HERC2: variants seen among roughly 807,000 people sequenced by gnomAD.
HERC2 encodes the protein E3 ubiquitin-protein ligase HERC2.
HERC2 carries 102 observed loss-of-function variants against 537.7 expected under a neutral mutation model. The ratio of observed to expected loss-of-function variants is 0.19; its 90% CI spans 0.16 to 0.22. The LOEUF is 0.22. Among genes scored for constraint, HERC2 ranks in the 10% least tolerant of loss-of-function variants. HERC2 has a pLI of 1.00. For missense variants in HERC2, 4,236 were observed against 6,198.2 expected, an observed-to-expected ratio of 0.68 and a Z score of 10.63; for synonymous variants, 2,224 against 2,466.2, an observed-to-expected ratio of 0.90 and a Z score of 2.91.
Position 28,146,350 on chromosome 15 carries a change from G to T in HERC2, c.10901-6C>A. 1.2e-6 allele frequency: 2 copies of T among 1,605,964 alleles called. No individual in the cohort carries two copies. Among genetic ancestry groups the T allele is most frequent in the Non-Finnish European group, 8.5e-7 (1 of 1,172,730 alleles). ...TACCCTGAGTCCTTCTGCACCTGAA[G>T]GACAGGCAAGCACAAAACATAGCAA... On this transcript the variant is annotated splice_region_variant and splice_polypyrimidine_tract_variant and intron_variant, in intron 70 of 92. Transcript: ENST00000261609.
Position 28,192,167 on chromosome 15 carries a change from C to CA in HERC2, c.8261-17dup. ...GCAGACTGACCTATTTCGTGATAGT[C>CA]AAAAAGAGAATTAACCCTTGCTGAA... On this transcript the variant is annotated splice_polypyrimidine_tract_variant and intron_variant, in intron 52 of 92. Coordinates refer to ENST00000261609, the MANE Select transcript of HERC2 (RefSeq NM_004667.6). 3.7e-6 allele frequency: 6 copies of CA among 1,600,510 alleles called. No individual in the cohort carries two copies. The highest frequency in any genetic ancestry group is 5.1e-6 in the Non-Finnish European group (6 of 1,170,684).
intron 79 of HERC2, among the ~76,000 whole-genome samples, chr15:28,134,903 G>A (rs1381484030): frequency 1.3e-5 from 2 of 151,942 alleles, no homozygotes; most frequent in African/African-American, 4.8e-5. Flanking sequence ...GAACTCCTGA[G>A]TTCAAGCAAT....
intron 68 of HERC2, among the ~76,000 whole-genome samples, chr15:28,166,788 GGAGTCCCAGTGACC>G (rs1205883692): frequency 3.9e-5 from 6 of 152,256 alleles, no homozygotes; most frequent in African/African-American, 9.6e-5. Flanking sequence ...CCAGTCCACG[GGAGTCCCAGTGACC>G]GAGTCCCAGT....
At chr15:28,185,229 T>G (rs1305383225) in intron 56 of HERC2, among the ~76,000 whole-genome samples, 1 of 151,974 alleles carries the variant, frequency 6.6e-6, no homozygotes, top group Non-Finnish European at 1.5e-5. Context: ...CCCACTTCTG[T>G]CTATATAACG....
Position 28,263,016 on chromosome 15 carries a change from T to C in HERC2, c.2024A>G (p.Asp675Gly), listed in dbSNP as rs2075455895. ...GSQFSIALTK[D>G]GQVYSWGKGD... The stretch of plus-strand genomic sequence containing the variant: ...TTTTCCCCATGAATAAACTTGGCCA[T>C]CTTTCGTCAAAGCAATGGAAAACTG... The change falls in exon 15 of 93, where the codon GAT becomes GGT. Residue 675 changes from aspartate (D) to glycine (G), a missense_variant. This residue lies in a region of HERC2 where 754 missense variants were observed against 1,085.0 expected (regional missense o/e 0.69). Coordinates refer to ENST00000261609, the MANE Select transcript of HERC2 (RefSeq NM_004667.6). 1.2e-6 allele frequency: 2 copies of C among 1,614,158 alleles called. No individual in the cohort carries two copies. Among genetic ancestry groups the C allele is most frequent in the East Asian group, 2.2e-5 (1 of 44,874 alleles).
intron 3 of HERC2, among the ~76,000 whole-genome samples, chr15:28,299,012 C>A (rs1596429197): frequency 1.3e-5 from 2 of 152,066 alleles, no homozygotes; most frequent in Non-Finnish European, 2.9e-5. Flanking sequence ...TTTTTTTAAA[C>A]CTCAATGGGG....
chr15:28,161,122 C>A (rs1286623613), intron 69 of HERC2, among the ~76,000 whole-genome samples: 3 of 152,200 alleles, frequency 2.0e-5, no homozygotes, highest in Admixed American at 6.5e-5. Context: ...CTCTGCTGCG[C>A]TTTCAAGACT....
chr15:28,251,539 G>A lies in HERC2; in HGVS notation c.3050+2801C>T, dbSNP rs564326055. Among the ~76,000 whole-genome samples the A allele has an allele frequency of 2.0e-5, 3 of 148,942 alleles. No homozygotes were observed. In the East Asian group the frequency reaches 6.1e-4, roughly 30 times the overall value. Reference sequence around the variant, plus strand: ...ATAATGGCCAGGCGCGGTGGCTCACGCCTGCAATCCCAGCACTTTGGGAGG... The same window carrying A: ...ATAATGGCCAGGCGCGGTGGCTCACACCTGCAATCCCAGCACTTTGGGAGG... On this transcript the variant is annotated intron_variant, in intron 20 of 92. Coordinates refer to ENST00000261609, the MANE Select transcript of HERC2 (RefSeq NM_004667.6).
rs376732842 is a variant in HERC2, at chr15:28,196,565, G to A, written c.8016C>T (p.Phe2672=). The change falls in exon 51 of 93, where the codon TTC becomes TTT. Residue 2672 remains phenylalanine, a synonymous_variant. Coordinates refer to ENST00000261609, the MANE Select transcript of HERC2 (RefSeq NM_004667.6). ...THQSVGVVKA[F]SANGKDIIVD... ...CAATGATATCTTTTCCATTGGCACT[G>A]AAAGCTAGGACAGAACAGAAATCAC... 173 of 1,599,134 alleles carry A rather than the reference G, an allele frequency of 1.1e-4. No homozygotes were observed. Among genetic ancestry groups the A allele is most frequent in the Non-Finnish European group, 1.4e-4 (163 of 1,166,578 alleles).
Position 28,196,507 on chromosome 15 carries a change from A to T in HERC2, c.8074T>A (p.Leu2692Met), listed in dbSNP as rs1289932057. Reference protein sequence around the residue: ...DFPQQSHWTGLLSEMELVPSI... With the variant: ...DFPQQSHWTGMLSEMELVPSI... Reference sequence around the variant, plus strand: ...GGTACCAACTCCATTTCTGATAGCAACCCAGTCCAGTGAGACTGCTGGGGA... The same window carrying T: ...GGTACCAACTCCATTTCTGATAGCATCCCAGTCCAGTGAGACTGCTGGGGA... The change falls in exon 51 of 93, where the codon TTG (leucine) becomes ATG (methionine). Residue 2692 changes from leucine (L) to methionine (M), a missense_variant. This residue lies in a region of HERC2 where 606 missense variants were observed against 884.5 expected (regional missense o/e 0.69). Transcript: ENST00000261609. The T allele has an allele frequency of 6.2e-7, 1 of 1,613,610 alleles. No individual in the cohort carries two copies. Among genetic ancestry groups the T allele is most frequent in the Non-Finnish European group, 8.5e-7 (1 of 1,179,690 alleles).
In HERC2 at chr15:28,172,587, A is replaced by C. The variant is rs576533553; in HGVS notation, c.10057+1808T>G. On this transcript the variant is annotated intron_variant, in intron 65 of 92. Transcript: ENST00000261609. ...ACAATCATGCCAAAAAAAGCCTTTC[A>C]ATCTGAACCTCCCACCATATATAAA... Among the ~76,000 whole-genome samples the C allele has an allele frequency of 1.1e-3, 168 of 152,362 alleles. 1 individual carries two copies. Among genetic ancestry groups the C allele is most frequent in the Non-Finnish European group, 2.9e-4 (20 of 68,038 alleles).
intron 42 of HERC2, chr15:28,212,898 TAA>T (rs1899418277): frequency 2.0e-6 from 1 of 508,896 alleles, no homozygotes; most frequent in Non-Finnish European, 2.5e-6. Context: ...CCTATAATAA[TAA>T]AAAAGAGTAC....
chr15:28,141,412 C>G lies in HERC2; in HGVS notation c.12015+20G>C. ...TGCCTCAGGCTCAATGACCTTGTGA[C>G]ATAGAAAAAGAGCTCTTACCTTCCC... On this transcript the variant is annotated intron_variant, in intron 78 of 92. Transcript: ENST00000261609. 1 of 1,612,186 alleles carries G rather than the reference C, an allele frequency of 6.2e-7. No homozygotes were observed. The highest frequency in any genetic ancestry group is 8.5e-7 in the Non-Finnish European group (1 of 1,178,270).
At chr15:28,158,913 T>C (rs564657447) in intron 69 of HERC2, among the ~76,000 whole-genome samples, 18,996 of 151,854 alleles carry the variant, frequency 0.13, 3,986 homozygotes, top group African/African-American at 0.44. Context: ...CCTTCAGGAG[T>C]TCTTTTAGGG....
chr15:28,218,488 C>T lies in HERC2; in HGVS notation c.6028+1G>A. The stretch of plus-strand genomic sequence containing the variant: ...TGGGCCCTCGATCTCTCATTCCATA[C>T]ATGTCTTGTCCGTCGTTCCGCTTTC... On this transcript the variant is annotated splice_donor_variant, in intron 38 of 92. Transcript: ENST00000261609. LOFTEE classifies it high-confidence loss of function. 1 of 1,593,638 alleles carries T rather than the reference C, an allele frequency of 6.3e-7. No individual in the cohort carries two copies. The highest frequency in any genetic ancestry group is 8.5e-7 in the Non-Finnish European group (1 of 1,178,504).
intron 64 of HERC2, 125 bp downstream of exon 64, chr15:28,175,387 C>T (rs879636175): frequency 5.3e-5 from 50 of 950,000 alleles, no homozygotes; most frequent in Non-Finnish European, 5.9e-5. Flanking sequence ...TCATGGTTCT[C>T]CAAGCAGTAA....
intron 4 of HERC2, among the ~76,000 whole-genome samples, chr15:28,286,850 T>C (rs2076170044): frequency 6.6e-6 from 1 of 152,166 alleles, no homozygotes; most frequent in Non-Finnish European, 1.5e-5. Context: ...CTGTGAAATG[T>C]GCACTTCTGA....
In HERC2 at chr15:28,144,005, A is replaced by G. The variant is rs747108219; in HGVS notation, c.11300-14T>C. ...TGTGACTGGCAGCTGAAATGAGCAG[A>G]GAGAAAGTATCAGAAGTCTGATGGT... On this transcript the variant is annotated splice_polypyrimidine_tract_variant and intron_variant, in intron 73 of 92. Coordinates refer to ENST00000261609, the MANE Select transcript of HERC2 (RefSeq NM_004667.6). The G allele has an allele frequency of 2.5e-6, 4 of 1,614,166 alleles. No individual in the cohort carries two copies. In the East Asian group the frequency reaches 6.7e-5, roughly 27 times the overall value.
In HERC2 at chr15:28,209,398, C is replaced by T. The variant is rs1898862416; in HGVS notation, c.7069+1604G>A. Among the ~76,000 whole-genome samples, 6 of 152,126 alleles carry T rather than the reference C, an allele frequency of 3.9e-5. No homozygotes were observed. The South Asian group carries it at 1.2e-3, about 32-fold the overall frequency. On this transcript the variant is annotated intron_variant, in intron 44 of 92. Transcript: ENST00000261609. ...TCGCTCTGTCACCCAGGCTGGAGTG[C>T]AGTGACACGATCTCGCCTCACTGCA...
Sources: allele counts gnomAD v4.1 joint callset (sites outside exome capture counted in the v4.1 genomes callset), GRCh38; gene constraint gnomAD v4.1.1; regional missense constraint gnomAD v4.1.1; transcripts MANE v1.5; gene names NCBI Gene and HGNC (gene_info 2026-07-23, HGNC 2026-07-21).